CHRNA3: variants seen among roughly 807,000 people sequenced by gnomAD.
CHRNA3 encodes cholinergic receptor nicotinic alpha 3 subunit.
A neutral mutation model predicts 41.9 loss-of-function variants in CHRNA3; 34 were observed. That is an observed-to-expected ratio of 0.81 (90% CI 0.62 to 1.08). CHRNA3 has a LOEUF of 1.08. CHRNA3 is among the 50% of genes least tolerant of loss of function. CHRNA3 has a pLI of 0.00. For synonymous variants in CHRNA3, 281 were observed against 265.2 expected (o/e 1.06, Z -0.58); for missense variants, 542 against 638.3 (o/e 0.85, Z 1.63).
At position 78,620,844 on chromosome 15, in the gene CHRNA3, G is replaced by T. The variant is rs1461053888; in HGVS notation, c.-50C>A. On this transcript the variant is annotated 5_prime_UTR_variant, in exon 1 of 6. Transcript: ENST00000326828. ...ACCCGGACGGTCGGGAGCGGGCGCGGCGGTCGCAGAGACGGCCTCTCCCCG... is the reference window on the plus strand; with the variant it reads ...ACCCGGACGGTCGGGAGCGGGCGCGTCGGTCGCAGAGACGGCCTCTCCCCG... The T allele has an allele frequency of 7.5e-7, 1 of 1,329,644 alleles. No individual in the cohort carries two copies. The highest frequency in any genetic ancestry group is 9.5e-7 in the Non-Finnish European group (1 of 1,049,278). The allele number at this position is 1,329,644 out of a possible 1,614,324, so 82.4% of individuals were successfully genotyped here. A position where few individuals can be genotyped will look rare whatever the true frequency, so the allele number is the denominator to read the frequency against.
intron 4 of CHRNA3, among the ~76,000 whole-genome samples, chr15:78,602,884 C>T (rs937223638): frequency 6.6e-6 from 1 of 152,194 alleles, no homozygotes; most frequent in African/African-American, 2.4e-5. Context: ...TTACAATAAT[C>T]ATGTTTTGCT....
intron 5 of CHRNA3, among the ~76,000 whole-genome samples, chr15:78,598,397 T>C (rs2053145147): frequency 6.7e-6 from 1 of 150,194 alleles, no homozygotes; most frequent in African/African-American, 2.4e-5. Context: ...AAATTTTATA[T>C]CTTTTTTTTT....
At chr15:78,612,460 AT>A (rs2053394681) in intron 4 of CHRNA3, among the ~76,000 whole-genome samples, 1 of 40 alleles carries the variant, frequency 0.025, no homozygotes, top group South Asian at 0.5. Context: ...AAAACAAGCA[AT>A]GGGGGAAAGG....
intron 5 of CHRNA3, among the ~76,000 whole-genome samples, chr15:78,598,422 TCTTG>T (rs2053146025): frequency 6.7e-6 from 1 of 148,864 alleles, no homozygotes; most frequent in Non-Finnish European, 1.5e-5. Context: ...TGAGACAGGG[TCTTG>T]CTTTGTTGCT....
In CHRNA3 at chr15:78,619,152, C is replaced by T. The variant is rs188718360; in HGVS notation, c.83-237G>A. ...AGTGAGAAGCACAGTGGTTGCAAGC[C>T]TGGGCTCTGGAGTTGGACAGATCTG... On this transcript the variant is annotated intron_variant, in intron 1 of 5. Coordinates refer to ENST00000326828, the MANE Select transcript of CHRNA3 (RefSeq NM_000743.5). 7.0e-6 allele frequency: 4 copies of T among 572,496 alleles called. No individual in the cohort carries two copies. In the East Asian group the frequency reaches 1.2e-4, roughly 17 times the overall value. The allele number at this position is 572,496 out of a possible 1,614,324, so 35.5% of individuals were successfully genotyped here.
In CHRNA3 at chr15:78,601,863, A is replaced by G; in HGVS notation, c.779T>C (p.Val260Ala). 6.2e-7 allele frequency: 1 copy of G among 1,614,168 alleles called. No individual in the cohort carries two copies. Among genetic ancestry groups the G allele is most frequent in the Non-Finnish European group, 8.5e-7 (1 of 1,180,018 alleles). ...GTCGGAGGGCAGGTAGAAGACGAGC[A>G]CAGTGAGGAAGGAGATGAGCAGGCA... is the stretch of plus-strand genomic sequence containing the variant. ...IPCLLISFLT[V>A]LVFYLPSDCG... Residue 260 changes from valine to alanine, a missense_variant, in exon 5 of 6, where the codon GTG becomes GCG. Physicochemically the swap from Val to Ala is moderately conservative, Grantham distance 64. Transcript: ENST00000326828.
rs1483667691 is a variant in CHRNA3, at chr15:78,620,923, G to A, written c.-129C>T. The A allele has an allele frequency of 1.7e-6, 2 of 1,169,506 alleles. No individual in the cohort carries two copies. Among genetic ancestry groups the A allele is most frequent in the South Asian group, 3.6e-5 (1 of 27,672 alleles). The allele number at this position is 1,169,506 out of a possible 1,614,324, so 72.4% of individuals were successfully genotyped here. On this transcript the variant is annotated 5_prime_UTR_variant, in exon 1 of 6. Transcript: ENST00000326828. ...GAGCCGTGCGGGCGGAGACGCGCGG[G>A]GCTCCTCTCCGCTTCGCCGCCGCTG...
intron 5 of CHRNA3, among the ~76,000 whole-genome samples, chr15:78,600,579 C>A (rs2141324008): frequency 6.6e-6 from 1 of 152,214 alleles, no homozygotes; most frequent in East Asian, 1.9e-4. Context: ...AACACATATA[C>A]AATTAGAAAG....
intron 4 of CHRNA3, among the ~76,000 whole-genome samples, chr15:78,613,895 C>G (rs1383443684): frequency 6.6e-6 from 1 of 151,374 alleles, no homozygotes; most frequent in Admixed American, 6.6e-5. Context: ...GCAGTGAGCC[C>G]AGATCATGCC....
intron 4 of CHRNA3, among the ~76,000 whole-genome samples, chr15:78,603,017 A>G (rs2053229696): frequency 1.3e-5 from 2 of 152,104 alleles, no homozygotes; most frequent in Admixed American, 1.3e-4. Context: ...ATTTTCACAC[A>G]GAAATAGACA....
intron 4 of CHRNA3, among the ~76,000 whole-genome samples, chr15:78,613,441 A>G (rs1387430020): frequency 6.6e-6 from 1 of 152,010 alleles, no homozygotes; most frequent in Non-Finnish European, 1.5e-5. Context: ...GAAACTGGAA[A>G]CCATCATTCT....
intron 1 of CHRNA3, chr15:78,619,899 G>C (rs1250321213): frequency 6.6e-6 from 1 of 152,348 alleles, no homozygotes; most frequent in Admixed American, 6.5e-5. Context: ...GTCCCAGGCA[G>C]GAGGTCGGTT....
downstream of CHRNA3, chr15:78,593,307 C>A: frequency 2.7e-6 from 4 of 1,471,046 alleles, no homozygotes; most frequent in Non-Finnish European, 3.6e-6. Context: ...TATCTGATGG[C>A]ACCTATAAAA....
At chr15:78,593,073 TTTA>T (rs772051214), downstream of CHRNA3, 12 of 1,596,430 alleles carry the variant, frequency 7.5e-6, no homozygotes, top group Non-Finnish European at 9.4e-6. Flanking sequence ...TTAATGCATT[TTTA>T]TTTTTTTCCT....
Position 78,620,079 on chromosome 15 carries a change from C to T in CHRNA3, c.82+634G>A, listed in dbSNP as rs79649294. 1.5e-3 allele frequency: 235 copies of T among 152,678 alleles called. 3 individuals carry two copies. The East Asian group carries it at 0.039, about 25-fold the overall frequency. The allele number at this position is 152,678 out of a possible 1,614,324, so 9.5% of individuals were successfully genotyped here. On this transcript the variant is annotated intron_variant, in intron 1 of 5. Transcript: ENST00000326828. The stretch of plus-strand genomic sequence containing the variant: ...CCAGCCCTCCCAGGCACCCAAGAGC[C>T]TCCCAGCGGCGGGCCAGGGCCGGCT...
chr15:78,593,165 T>C (rs754643899), downstream of CHRNA3: 1 of 1,613,998 alleles, frequency 6.2e-7, no homozygotes, highest in Non-Finnish European at 8.5e-7. Flanking sequence ...TTCGTTTCAA[T>C]TGTTGGATCT....
chr15:78,600,909 A>G (rs1319266121), intron 5 of CHRNA3, among the ~76,000 whole-genome samples: 1 of 152,054 alleles, frequency 6.6e-6, no homozygotes, highest in Non-Finnish European at 1.5e-5. Flanking sequence ...CAATTAACCA[A>G]TACTAACTGG....
At chr15:78,604,197 G>C (rs539359685) in intron 4 of CHRNA3, among the ~76,000 whole-genome samples, 2 of 152,278 alleles carry the variant, frequency 1.3e-5, no homozygotes, top group Admixed American at 1.3e-4. Flanking sequence ...AGCTACTTTT[G>C]AGCTCCAGGG....
Position 78,596,389 on chromosome 15 carries a change from T to C in CHRNA3, c.*215A>G. The C allele has an allele frequency of 8.2e-7, 1 of 1,218,966 alleles. No homozygotes were observed. Among genetic ancestry groups the C allele is most frequent in the Non-Finnish European group, 1.0e-6 (1 of 977,554 alleles). The allele number at this position is 1,218,966 out of a possible 1,614,324, so 75.5% of individuals were successfully genotyped here. A position where few individuals can be genotyped will look rare whatever the true frequency, so the allele number is the denominator to read the frequency against. ...ATCACATTTTGACATCTCTTTACCA[T>C]ACCAAAAAGGCTAGTTAAATGTTCA... On this transcript the variant is annotated 3_prime_UTR_variant, in exon 6 of 6. Coordinates refer to ENST00000326828, the MANE Select transcript of CHRNA3 (RefSeq NM_000743.5).
Sources: allele counts gnomAD v4.1 joint callset (sites outside exome capture counted in the v4.1 genomes callset), GRCh38; gene constraint gnomAD v4.1.1; transcripts MANE v1.5; gene names NCBI Gene and HGNC (gene_info 2026-07-23, HGNC 2026-07-21).